Variants in RABGAP1L observed in about 807,000 individuals in gnomAD.
RABGAP1L encodes the protein RAB GTPase activating protein 1 like, also known as rab GTPase-activating protein 1-like.
A neutral mutation model predicts 137.7 loss-of-function variants in RABGAP1L; 63 were observed. The observed-to-expected ratio is 0.46, with a 90% CI of 0.37 to 0.56. The LOEUF is 0.56. RABGAP1L is among the 20% of genes least tolerant of loss of function. The probability of loss-of-function intolerance (pLI) is 0.00; values close to 1 mark genes in which losing one functional copy is unlikely to be tolerated. For missense variants in RABGAP1L, 1,095 were observed against 1,244.0 expected, an observed-to-expected ratio of 0.88 and a Z score of 1.80; for synonymous variants, 431 against 433.7, an observed-to-expected ratio of 0.99 and a Z score of 0.08.
intron 20 of RABGAP1L, chr1:174,957,798 A>AT: frequency 9.7e-7 from 1 of 1,029,634 alleles, no homozygotes; most frequent in Non-Finnish European, 1.4e-6. Context: ...TCCTTGATTG[A>AT]TTTAGATGCT....
At chr1:174,301,528 C>T (rs1042830384) in intron 10 of RABGAP1L, among the ~76,000 whole-genome samples, 3 of 151,672 alleles carry the variant, frequency 2.0e-5, no homozygotes, top group Non-Finnish European at 4.4e-5. Flanking sequence ...CTTCTGTGTA[C>T]CCAGTTTCAG....
chr1:174,198,673 C>T (rs1371398489), intron 1 of RABGAP1L, among the ~76,000 whole-genome samples: 1 of 151,758 alleles, frequency 6.6e-6, no homozygotes, highest in Non-Finnish European at 1.5e-5. Context: ...ATGCATTGCA[C>T]TGTATTGGGG....
intron 17 of RABGAP1L, among the ~76,000 whole-genome samples, chr1:174,749,414 C>G (rs1684160878): frequency 6.6e-6 from 1 of 151,538 alleles, no homozygotes; most frequent in Admixed American, 6.6e-5. Context: ...TACTGCAGCT[C>G]AACCTCCTCA....
chr1:174,732,726 G>A (rs1387838757), intron 17 of RABGAP1L, among the ~76,000 whole-genome samples: 2 of 152,116 alleles, frequency 1.3e-5, no homozygotes, highest in Non-Finnish European at 1.5e-5. Context: ...TGAAGCTGGT[G>A]AACACTAGAA....
chr1:174,976,507 A>G (rs750104227), intron 22 of RABGAP1L, among the ~76,000 whole-genome samples: 1 of 152,152 alleles, frequency 6.6e-6, no homozygotes, highest in African/African-American at 2.4e-5. Context: ...AAATCTGCAA[A>G]TTTTGTGTTG....
chr1:174,612,907 C>G (rs2148220711), intron 13 of RABGAP1L, among the ~76,000 whole-genome samples: 2 of 151,748 alleles, frequency 1.3e-5, no homozygotes, highest in Middle Eastern at 3.4e-3. Flanking sequence ...GTGATATCCC[C>G]TTTATCATTT....
chr1:174,853,623 C>T (rs530542927), intron 19 of RABGAP1L, among the ~76,000 whole-genome samples: 93 of 152,052 alleles, frequency 6.1e-4, no homozygotes, highest in African/African-American at 2.0e-3. Flanking sequence ...CCCAGCTACT[C>T]GGGAGGCTGA....
intron 14 of RABGAP1L, among the ~76,000 whole-genome samples, chr1:174,665,439 G>T (rs1472550856): frequency 2.1e-3 from 103 of 49,178 alleles, no homozygotes; most frequent in African/African-American, 7.6e-3. Context: ...GCCCCGCCCC[G>T]CCCCGCCCCG....
intron 21 of RABGAP1L, among the ~76,000 whole-genome samples, chr1:174,969,717 G>C (rs998366636): frequency 9.9e-5 from 15 of 152,166 alleles, no homozygotes; most frequent in Non-Finnish European, 2.1e-4. Context: ...CACTCTAACA[G>C]TAGATGCCTT....
At chr1:174,978,258 C>A (rs1252607746) in intron 22 of RABGAP1L, among the ~76,000 whole-genome samples, 3 of 152,202 alleles carry the variant, frequency 2.0e-5, no homozygotes, top group Non-Finnish European at 2.9e-5. Context: ...GTCACTTTAG[C>A]TCCTTCTAAA....
At chr1:174,743,194 A>G (rs1443111386) in intron 17 of RABGAP1L, among the ~76,000 whole-genome samples, 2 of 152,192 alleles carry the variant, frequency 1.3e-5, no homozygotes, top group African/African-American at 4.8e-5. Context: ...ATAGCAGGGA[A>G]GAGATATAGC....
At chr1:174,388,274 A>G (rs1488416232) in intron 12 of RABGAP1L, among the ~76,000 whole-genome samples, 2 of 152,056 alleles carry the variant, frequency 1.3e-5, no homozygotes, top group Admixed American at 6.5e-5. Context: ...AACATGAATA[A>G]AGTCAGAATT....
rs142567960 is a variant in RABGAP1L, at chr1:174,579,478, C to T, written c.1711-57897C>T. 7.3e-4 allele frequency among the ~76,000 whole-genome samples: 111 copies of T among 152,224 alleles called. 1 individual carries two copies. Among genetic ancestry groups the T allele is most frequent in the African/African-American group, 2.4e-3 (98 of 41,532 alleles). On this transcript the variant is annotated intron_variant, in intron 13 of 25. Transcript: ENST00000681986. ...TAGTATGCATATGCACTTGTACGTC[C>T]GCATCCACTGAACACACGTGCTGTG...
At chr1:174,304,359 A>G (rs978338119) in intron 10 of RABGAP1L, among the ~76,000 whole-genome samples, 1 of 151,762 alleles carries the variant, frequency 6.6e-6, no homozygotes. Context: ...ATATATTTGA[A>G]TATATATTTA....
intron 13 of RABGAP1L, among the ~76,000 whole-genome samples, chr1:174,562,692 A>T (rs1325954827): frequency 6.6e-6 from 1 of 152,230 alleles, no homozygotes; most frequent in Non-Finnish European, 1.5e-5. Flanking sequence ...GGATGAGTTC[A>T]TGTCCTTTGC....
chr1:174,494,475 G>GT (rs1307525006), intron 13 of RABGAP1L, among the ~76,000 whole-genome samples: 1 of 152,028 alleles, frequency 6.6e-6, no homozygotes, highest in African/African-American at 2.4e-5. Context: ...AGTTTTCTTG[G>GT]TTTTCCATGT....
chr1:174,533,322 A>G (rs986179100), intron 13 of RABGAP1L, among the ~76,000 whole-genome samples: 5 of 152,156 alleles, frequency 3.3e-5, no homozygotes, highest in Admixed American at 2.0e-4. Flanking sequence ...GAAGGTAACC[A>G]CTGTTTTAAA....
intron 24 of RABGAP1L, 51 bp from the exon 25 acceptor site, chr1:174,988,590 A>T: frequency 7.2e-7 from 1 of 1,388,060 alleles, no homozygotes; most frequent in Non-Finnish European, 9.5e-7. Context: ...TCAGAAGGTG[A>T]TTTAGCCTAT....
intron 19 of RABGAP1L, among the ~76,000 whole-genome samples, chr1:174,889,473 T>G (rs1374582667): frequency 6.6e-6 from 1 of 152,132 alleles, no homozygotes; most frequent in Admixed American, 6.6e-5. Context: ...CAGTCTGGAG[T>G]GCAGTGGCGT....
Sources: gnomAD v4.1 joint callset for allele counts (sites outside exome capture counted in the v4.1 genomes callset) on GRCh38, gnomAD v4.1.1 for gene constraint, MANE v1.5 for transcripts, NCBI Gene and HGNC (gene_info 2026-07-23, HGNC 2026-07-21) for gene names.